Variants in MAP3K1 observed in about 807,000 individuals in gnomAD.
MAP3K1 encodes the protein mitogen-activated protein kinase kinase kinase 1, also known as MAP/ERK kinase kinase 1.
A neutral mutation model predicts 144.2 loss-of-function variants in MAP3K1; 36 were observed. The observed-to-expected ratio is 0.25, with a 90% CI of 0.19 to 0.33. MAP3K1 has a LOEUF of 0.33. Among genes scored for constraint, MAP3K1 ranks in the 10% least tolerant of loss-of-function variants. The pLI, the probability that MAP3K1 is intolerant of heterozygous loss-of-function variation, is 1.00. For missense variants in MAP3K1, 1,650 were observed against 1,881.9 expected (o/e 0.88, Z 2.28); for synonymous variants, 718 against 688.7 (o/e 1.04, Z -0.67).
chr5:56,867,050 C>G (rs761437580), intron 6 of MAP3K1, among the ~76,000 whole-genome samples: 3 of 152,106 alleles, frequency 2.0e-5, no homozygotes, highest in Non-Finnish European at 4.4e-5. Context: ...CTCCAGCCTC[C>G]TGAACTCCTA....
chr5:56,818,511 A>G (rs892743860), intron 1 of MAP3K1, among the ~76,000 whole-genome samples: 2 of 152,112 alleles, frequency 1.3e-5, no homozygotes, highest in East Asian at 1.9e-4. Flanking sequence ...TAGAATTTAT[A>G]TAAATAAATA....
intron 1 of MAP3K1, among the ~76,000 whole-genome samples, chr5:56,823,791 G>C (rs979255875): frequency 6.6e-6 from 1 of 152,184 alleles, no homozygotes; most frequent in African/African-American, 2.4e-5. Flanking sequence ...ATGTAGTAGA[G>C]AGCAAATAGC....
At chr5:56,817,529 G>T (rs1245849731) in intron 1 of MAP3K1, among the ~76,000 whole-genome samples, 1 of 152,138 alleles carries the variant, frequency 6.6e-6, no homozygotes, top group Admixed American at 6.5e-5. Context: ...CTGTACCATG[G>T]CACTACTGAG....
At chr5:56,819,829 A>G (rs73133589) in intron 1 of MAP3K1, among the ~76,000 whole-genome samples, 7,079 of 152,264 alleles carry the variant, frequency 0.046, 576 homozygotes, top group African/African-American at 0.16. Context: ...TCTATATCCT[A>G]AGTTAAAAGC....
chr5:56,829,312 A>G (rs533639999), intron 1 of MAP3K1, among the ~76,000 whole-genome samples: 1 of 150,538 alleles, frequency 6.6e-6, no homozygotes, highest in African/African-American at 2.4e-5. Context: ...CCTCCTGCGT[A>G]GCTGGGACCA....
At position 56,893,904 on chromosome 5, in the gene MAP3K1, C is replaced by A. The variant is rs894384297; in HGVS notation, c.*224C>A. The A allele has an allele frequency of 2.3e-5, 13 of 572,238 alleles. No individual in the cohort carries two copies. In the African/African-American group the frequency reaches 2.4e-4, roughly 11 times the overall value. 35.4% of individuals were successfully genotyped at this position (572,238 alleles called of 1,614,324 possible). A position where few individuals can be genotyped will look rare whatever the true frequency, so the allele number is the denominator to read the frequency against. ...TGCAGAAACTGTAAACTGTGCCTTT[C>A]AAAGAACTGGCCCTAGGTGAACAGG... On this transcript the variant is annotated 3_prime_UTR_variant, in exon 20 of 20. Transcript: ENST00000399503.
At chr5:56,862,413 T>C (rs1747543768) in intron 3 of MAP3K1, among the ~76,000 whole-genome samples, 2 of 152,150 alleles carry the variant, frequency 1.3e-5, no homozygotes, top group South Asian at 4.1e-4. Flanking sequence ...CTGGGAGGTA[T>C]GGTTCATGGG....
At position 56,815,879 on chromosome 5, in the gene MAP3K1, G is replaced by C. The variant is rs1158207302; in HGVS notation, c.306G>C (p.Gly102=). The C allele has an allele frequency of 7.3e-7, 1 of 1,379,052 alleles. No homozygotes were observed. The allele number at this position is 1,379,052 out of a possible 1,614,324, so 85.4% of individuals were successfully genotyped here. A position where few individuals can be genotyped will look rare whatever the true frequency, so the allele number is the denominator to read the frequency against. ...AGCCCGCGGACGCAGCGGGGAGTGG[G>C]ACCGGCTTCCAGCCTGTGGCGGTGC... ...SPEPADAAGS[G]TGFQPVAVPP... The change falls in exon 1 of 20, where the codon GGG becomes GGC. Residue 102 remains glycine (G), a synonymous_variant. Transcript: ENST00000399503.
intron 13 of MAP3K1, 32 bp from the exon 14 acceptor site, chr5:56,881,538 C>T (rs777804742): frequency 6.6e-7 from 1 of 1,520,378 alleles, no homozygotes; most frequent in Non-Finnish European, 9.1e-7. Context: ...GTAATTGGAA[C>T]TTATATGGTA....
chr5:56,872,306 G>A (rs1747880071), intron 7 of MAP3K1, among the ~76,000 whole-genome samples: 1 of 152,144 alleles, frequency 6.6e-6, no homozygotes, highest in Non-Finnish European at 1.5e-5. Flanking sequence ...AATCTGGAAG[G>A]TATACATGAA....
intron 1 of MAP3K1, among the ~76,000 whole-genome samples, chr5:56,831,892 CT>C (rs1746505370): frequency 6.6e-6 from 1 of 152,072 alleles, no homozygotes. Context: ...CTAGACATTC[CT>C]TGTGGGCATA....
At chr5:56,845,682 G>T (rs1318765728) in intron 1 of MAP3K1, among the ~76,000 whole-genome samples, 1 of 152,176 alleles carries the variant, frequency 6.6e-6, no homozygotes, top group Non-Finnish European at 1.5e-5. Context: ...ACTGATCTGT[G>T]TTCAACAATT....
intron 1 of MAP3K1, among the ~76,000 whole-genome samples, chr5:56,852,447 C>CTTA (rs1747203269): frequency 6.6e-6 from 1 of 152,142 alleles, no homozygotes; most frequent in African/African-American, 2.4e-5. Context: ...AGGGAGTAAG[C>CTTA]GTTCTTGAAG....
At chr5:56,843,556 A>T (rs565846079) in intron 1 of MAP3K1, among the ~76,000 whole-genome samples, 1 of 152,276 alleles carries the variant, frequency 6.6e-6, no homozygotes, top group South Asian at 2.1e-4. Flanking sequence ...TTGGTTTCTC[A>T]TGGCTTTTTT....
chr5:56,878,437 A>G (rs1191988492), intron 10 of MAP3K1, among the ~76,000 whole-genome samples: 1 of 152,224 alleles, frequency 6.6e-6, no homozygotes, highest in Non-Finnish European at 1.5e-5. Context: ...GTACCCCACA[A>G]CTAAAGTATA....
chr5:56,866,338 T>C (rs967214449), intron 6 of MAP3K1, among the ~76,000 whole-genome samples: 3 of 151,694 alleles, frequency 2.0e-5, no homozygotes, highest in African/African-American at 7.3e-5. Flanking sequence ...AACCCAGGAG[T>C]TCAAGTCTCC....
At chr5:56,888,054 C>G in intron 18 of MAP3K1, 172 bp from the exon 19 acceptor site, 1 of 632,462 alleles carries the variant, frequency 1.6e-6, no homozygotes, top group East Asian at 2.8e-5. Context: ...TATTTTTGTG[C>G]TACCTGGAAA....
chr5:56,841,170 T>A (rs1262644497), intron 1 of MAP3K1, among the ~76,000 whole-genome samples: 18 of 151,550 alleles, frequency 1.2e-4, no homozygotes, highest in Non-Finnish European at 1.5e-5. Context: ...TGTTAAGCCT[T>A]TTAAGGAAGA....
intron 1 of MAP3K1, among the ~76,000 whole-genome samples, chr5:56,834,975 A>G (rs1386447930): frequency 6.6e-6 from 1 of 152,208 alleles, no homozygotes; most frequent in Admixed American, 6.5e-5. Context: ...CAAGTTAATT[A>G]CTTATTAGTG....
Sources: gnomAD v4.1 joint callset for allele counts (sites outside exome capture counted in the v4.1 genomes callset) on GRCh38, gnomAD v4.1.1 for gene constraint, MANE v1.5 for transcripts, NCBI Gene and HGNC (gene_info 2026-07-23, HGNC 2026-07-21) for gene names.